Variants in ADGRL2 observed in about 807,000 individuals in gnomAD.
The protein encoded by ADGRL2 is calcium-independent alpha-latrotoxin receptor 2.
Under a neutral mutation model 157.4 loss-of-function variants are expected in ADGRL2, and 44 were observed. The observed-to-expected ratio is 0.28, with a 90% CI of 0.22 to 0.36. The LOEUF (loss-of-function observed/expected upper bound fraction) is 0.36, where lower values mean the gene tolerates loss of function less well. ADGRL2 is among the 10% of genes least tolerant of loss of function. The pLI is 1.00. For synonymous variants in ADGRL2, 585 were observed against 624.7 expected (o/e 0.94, Z 0.95); for missense variants, 1,510 against 1,768.9 (o/e 0.85, Z 2.63).
intron 2 of ADGRL2, among the ~76,000 whole-genome samples, chr1:81,542,098 A>G (rs1388388762): frequency 6.6e-6 from 1 of 152,348 alleles, no homozygotes; most frequent in East Asian, 1.9e-4. Flanking sequence ...AAATTTTCAA[A>G]TATTATTGGC....
At chr1:81,348,058 A>G (rs1662606734) in intron 1 of ADGRL2, among the ~76,000 whole-genome samples, 1 of 152,226 alleles carries the variant, frequency 6.6e-6, no homozygotes, top group Admixed American at 6.5e-5. Context: ...TCAGCCAACC[A>G]GGTAGCCACC....
intron 1 of ADGRL2, among the ~76,000 whole-genome samples, chr1:81,342,788 C>T (rs897814170): frequency 6.6e-5 from 10 of 152,144 alleles, no homozygotes; most frequent in Middle Eastern, 3.4e-3. Context: ...AATCAAGACT[C>T]ATAAATTTAG....
intron 1 of ADGRL2, among the ~76,000 whole-genome samples, chr1:81,721,395 A>G (rs1218026732): frequency 6.6e-6 from 1 of 152,178 alleles, no homozygotes; most frequent in African/African-American, 2.4e-5. Flanking sequence ...CTTTAGTTAT[A>G]TATCCAAACA....
chr1:81,635,924 T>G (rs914158057), intron 3 of ADGRL2, among the ~76,000 whole-genome samples: 12 of 152,350 alleles, frequency 7.9e-5, no homozygotes, highest in Admixed American at 3.9e-4. Flanking sequence ...TGATTTATCA[T>G]TCCATGAGTT....
chr1:81,805,428 A>G (rs1359281108), intron 1 of ADGRL2, among the ~76,000 whole-genome samples: 1 of 151,998 alleles, frequency 6.6e-6, no homozygotes, highest in African/African-American at 2.4e-5. Context: ...TTTACCTTAG[A>G]TGTTTGGTTG....
intron 3 of ADGRL2, among the ~76,000 whole-genome samples, chr1:81,665,058 G>A (rs546184897): frequency 1.3e-5 from 2 of 152,008 alleles, no homozygotes; most frequent in Admixed American, 1.3e-4. Flanking sequence ...ATACTAGGTG[G>A]GTCAGACATT....
At chr1:81,536,269 C>G (rs973953277) in intron 2 of ADGRL2, among the ~76,000 whole-genome samples, 7 of 152,082 alleles carry the variant, frequency 4.6e-5, no homozygotes, top group Admixed American at 4.6e-4. Flanking sequence ...CCTGTAGTCT[C>G]TCTTCACTTA....
intron 2 of ADGRL2, among the ~76,000 whole-genome samples, chr1:81,478,436 C>T (rs958398338): frequency 6.6e-5 from 10 of 152,222 alleles, no homozygotes; most frequent in African/African-American, 2.2e-4. Context: ...ACACCTCCAG[C>T]TTGAACTGGG....
chr1:81,893,057 C>T (rs2094303610), intron 2 of ADGRL2, among the ~76,000 whole-genome samples: 1 of 152,076 alleles, frequency 6.6e-6, no homozygotes, highest in Non-Finnish European at 1.5e-5. Flanking sequence ...GAATTCAAAA[C>T]CTTATCTATT....
At chr1:81,890,869 G>T (rs986613001) in intron 2 of ADGRL2, among the ~76,000 whole-genome samples, 1 of 152,026 alleles carries the variant, frequency 6.6e-6, no homozygotes, top group African/African-American at 2.4e-5. Context: ...TTTTTAGATT[G>T]TTCCCACAAA....
At chr1:81,903,714 A>G (rs1459454386) in intron 2 of ADGRL2, among the ~76,000 whole-genome samples, 1 of 133,654 alleles carries the variant, frequency 7.5e-6, no homozygotes, top group Non-Finnish European at 1.6e-5. Context: ...ATATATATTC[A>G]TTATATATAT....
chr1:81,557,326 C>A (rs930232525), intron 2 of ADGRL2: 10 of 193,892 alleles, frequency 5.2e-5, no homozygotes, highest in African/African-American at 2.3e-4. Context: ...TCTTTGATAA[C>A]CTGCTCTGGT....
At chr1:81,555,849 G>A (rs541109648) in intron 2 of ADGRL2, among the ~76,000 whole-genome samples, 21 of 152,060 alleles carry the variant, frequency 1.4e-4, no homozygotes, top group African/African-American at 5.1e-4. Context: ...AAACAGAAAG[G>A]GATGATCAGA....
chr1:81,730,701 C>T (rs534626858), intron 1 of ADGRL2, among the ~76,000 whole-genome samples: 86 of 150,638 alleles, frequency 5.7e-4, no homozygotes, highest in Non-Finnish European at 9.1e-4. Context: ...CCAGCCTGGG[C>T]GGCAGAGTGA....
At chr1:81,500,643 T>A (rs2078825971) in intron 2 of ADGRL2, among the ~76,000 whole-genome samples, 1 of 152,148 alleles carries the variant, frequency 6.6e-6, no homozygotes, top group Admixed American at 6.5e-5. Context: ...TACCAGGGAC[T>A]GAGCACCAGG....
At chr1:81,440,818 C>G (rs1223840691) in intron 1 of ADGRL2, among the ~76,000 whole-genome samples, 1 of 152,162 alleles carries the variant, frequency 6.6e-6, no homozygotes, top group Non-Finnish European at 1.5e-5. Flanking sequence ...CAGCAATTGC[C>G]AATTCCTATT....
chr1:81,747,716 T>A (rs2085347948), intron 1 of ADGRL2, among the ~76,000 whole-genome samples: 1 of 151,644 alleles, frequency 6.6e-6, no homozygotes, highest in Non-Finnish European at 1.5e-5. Context: ...TGTGTGTGTG[T>A]GTGTGTGTGT....
intron 1 of ADGRL2, among the ~76,000 whole-genome samples, chr1:81,395,316 CACTTGTATGTCT>C (rs2101173555): frequency 6.6e-6 from 1 of 152,140 alleles, no homozygotes; most frequent in Admixed American, 6.6e-5. Flanking sequence ...ACTTCTTGGC[CACTTGTATGTCT>C]TTTTTTGAGA....
intron 2 of ADGRL2, among the ~76,000 whole-genome samples, chr1:81,449,633 A>G (rs2077669242): frequency 6.6e-6 from 1 of 152,026 alleles, no homozygotes; most frequent in African/African-American, 2.4e-5. Context: ...ACAGGGTCTC[A>G]CTCTGTCACC....
Sources: gnomAD v4.1 joint callset for allele counts (sites outside exome capture counted in the v4.1 genomes callset) on GRCh38, gnomAD v4.1.1 for gene constraint, MANE v1.5 for transcripts, NCBI Gene and HGNC (gene_info 2026-07-23, HGNC 2026-07-21) for gene names.